The following CNTNAP3B variants were observed in gnomAD, a reference collection of about 807,000 sequenced individuals.
The protein encoded by CNTNAP3B is contactin-associated protein-like 3B.
A neutral mutation model predicts 108.9 loss-of-function variants in CNTNAP3B; 25 were observed. That is an observed-to-expected ratio of 0.23 (90% CI 0.17 to 0.32). The LOEUF (loss-of-function observed/expected upper bound fraction) is 0.32. Among genes scored for constraint, CNTNAP3B ranks in the 10% least tolerant of loss-of-function variants. The pLI is 1.00. For missense variants in CNTNAP3B, 252 were observed against 1,210.4 expected (o/e 0.21, Z 11.75); for synonymous variants, 103 against 473.4 (o/e 0.22, Z 10.16).
chr9:41,946,685 T>G, intron 13 of CNTNAP3B, among the ~76,000 whole-genome samples: 1 of 46,632 alleles, frequency 2.1e-5, no homozygotes, highest in East Asian at 7.7e-4. Context: ...GCAGAGTGAC[T>G]ATTTCTTAAC....
At chr9:41,926,214 T>A (rs1166554630) in intron 15 of CNTNAP3B, among the ~76,000 whole-genome samples, 1 of 152,280 alleles carries the variant, frequency 6.6e-6, no homozygotes, top group African/African-American at 2.4e-5. Context: ...ACTCCTATGC[T>A]CCTCACTTTT....
rs537998686 is a variant in CNTNAP3B, at chr9:42,094,102, A to T, written c.196+10527T>A. On this transcript the variant is annotated intron_variant, in intron 2 of 23. Coordinates refer to ENST00000377561, the MANE Select transcript of CNTNAP3B (RefSeq NM_001201380.3). ...CCAAGCTTATCCCTAATCACTAAGG[A>T]TAAGATAGCACCCTTCCTTCAAGGA... 2.9e-5 allele frequency among the ~76,000 whole-genome samples: 4 copies of T among 137,954 alleles called. No homozygotes were observed. The East Asian group carries it at 8.8e-4, about 31-fold the overall frequency. 90.5% of individuals were successfully genotyped at this position (137,954 alleles called of 152,430 possible). A position where few individuals can be genotyped will look rare whatever the true frequency, so the allele number is the denominator to read the frequency against.
intron 14 of CNTNAP3B, among the ~76,000 whole-genome samples, chr9:41,937,014 C>T (rs1289956046): frequency 1.3e-5 from 2 of 152,072 alleles, no homozygotes; most frequent in Non-Finnish European, 2.9e-5. Flanking sequence ...GGCCAAACAA[C>T]TCAATTTTTA....
At chr9:41,968,435 G>A (rs1156432751) in intron 10 of CNTNAP3B, among the ~76,000 whole-genome samples, 5 of 140,384 alleles carry the variant, frequency 3.6e-5, no homozygotes, top group African/African-American at 1.1e-4. Context: ...AGCTGGTGTT[G>A]AGATGTAAAT....
intron 13 of CNTNAP3B, among the ~76,000 whole-genome samples, chr9:41,948,244 A>C (rs977126927): frequency 4.1e-5 from 6 of 146,498 alleles, no homozygotes; most frequent in African/African-American, 1.5e-4. Context: ...GGTGTGTGCC[A>C]CCACACCCAA....
chr9:42,047,483 C>A (rs1294302893), intron 3 of CNTNAP3B, among the ~76,000 whole-genome samples: 1 of 110,490 alleles, frequency 9.1e-6, no homozygotes, highest in Non-Finnish European at 1.8e-5. Context: ...AATGACATAG[C>A]AAATTATAAA....
At chr9:42,124,113 G>C (rs2118752665) in intron 1 of CNTNAP3B, among the ~76,000 whole-genome samples, 1 of 138,872 alleles carries the variant, frequency 7.2e-6, no homozygotes, top group East Asian at 2.2e-4. Flanking sequence ...AAGTAGGCAT[G>C]CTACTTAAAT....
chr9:41,997,678 G>A lies in CNTNAP3B; in HGVS notation c.817C>T (p.His273Tyr). 6.2e-7 allele frequency: 1 copy of A among 1,604,774 alleles called. No individual in the cohort carries two copies. Among genetic ancestry groups the A allele is most frequent in the Non-Finnish European group, 8.5e-7 (1 of 1,175,888 alleles). ...LGSLLDDQHW[H>Y]SVLIELLDTQ... ...TCGAGGAGCTCGATGAGGACGGAATGCCAGTGCTGGTCATCCAGCAGGCTG... is the reference window on the plus strand; with the variant it reads ...TCGAGGAGCTCGATGAGGACGGAATACCAGTGCTGGTCATCCAGCAGGCTG... Residue 273 changes from histidine to tyrosine, a missense_variant, in exon 6 of 24, where the codon CAT becomes TAT. Physicochemically the swap from His to Tyr is moderately conservative, Grantham distance 83 (BLOSUM62 2). Coordinates refer to ENST00000377561, the MANE Select transcript of CNTNAP3B (RefSeq NM_001201380.3).
Position 42,090,973 on chromosome 9 carries a change from T to TATATAC in CNTNAP3B, c.196+13655_196+13656insGTATAT, listed in dbSNP as rs1207817338. Among the ~76,000 whole-genome samples, 23 of 37,794 alleles carry TATATAC rather than the reference T, an allele frequency of 6.1e-4. 3 individuals carry two copies. Among genetic ancestry groups the TATATAC allele is most frequent in the African/African-American group, 1.6e-3 (23 of 13,992 alleles). 24.8% of individuals were successfully genotyped at this position (37,794 alleles called of 152,430 possible). A position where few individuals can be genotyped will look rare whatever the true frequency, so the allele number is the denominator to read the frequency against. Reference sequence around the variant, plus strand: ...CTGACTCTCTCTAAATATATATATATACACACACACACACACACACACACA... The same window carrying TATATAC: ...CTGACTCTCTCTAAATATATATATATATATACACACACACACACACACACACACACA... On this transcript the variant is annotated intron_variant, in intron 2 of 23. Coordinates refer to ENST00000377561, the MANE Select transcript of CNTNAP3B (RefSeq NM_001201380.3).
intron 3 of CNTNAP3B, among the ~76,000 whole-genome samples, chr9:42,073,394 TAGTA>T (rs1176828805): frequency 2.5e-5 from 1 of 40,266 alleles, no homozygotes; most frequent in Non-Finnish European, 4.5e-5. Flanking sequence ...CTGGGAAAGA[TAGTA>T]AGCCTATAAA....
chr9:41,943,732 C>T (rs981579984), intron 13 of CNTNAP3B, among the ~76,000 whole-genome samples: 6 of 151,284 alleles, frequency 4.0e-5, no homozygotes, highest in Non-Finnish European at 4.4e-5. Flanking sequence ...GAGTGAGAAC[C>T]AGAAGAAATA....
chr9:42,114,883 A>G (rs1370798901), intron 1 of CNTNAP3B, among the ~76,000 whole-genome samples: 1 of 134,114 alleles, frequency 7.5e-6, no homozygotes, highest in Non-Finnish European at 1.6e-5. Context: ...GTGAAACTCC[A>G]TCTTTAGTAA....
intron 3 of CNTNAP3B, among the ~76,000 whole-genome samples, chr9:42,067,642 T>C (rs943315542): frequency 1.4e-5 from 2 of 147,932 alleles, no homozygotes; most frequent in African/African-American, 5.0e-5. Context: ...GGCAACTCTG[T>C]GTGACTGTGA....
At chr9:41,931,260 C>T (rs1187712058) in intron 14 of CNTNAP3B, among the ~76,000 whole-genome samples, 38 of 152,380 alleles carry the variant, frequency 2.5e-4, no homozygotes, top group African/African-American at 8.7e-4. Context: ...GAATACAATG[C>T]ATAATGATCA....
chr9:41,930,635 A>C (rs1438521464), intron 14 of CNTNAP3B, among the ~76,000 whole-genome samples: 2 of 152,290 alleles, frequency 1.3e-5, no homozygotes, highest in African/African-American at 4.8e-5. Flanking sequence ...ACACAGAGTA[A>C]AAAATATATT....
intron 6 of CNTNAP3B, among the ~76,000 whole-genome samples, chr9:41,996,984 TG>T (rs1466678804): frequency 2.0e-4 from 11 of 54,218 alleles, no homozygotes; most frequent in African/African-American, 8.9e-4. Flanking sequence ...CACTTTAAGG[TG>T]TCCTGTGAAG....
intron 12 of CNTNAP3B, among the ~76,000 whole-genome samples, chr9:41,959,441 T>G (rs1305191623): frequency 6.6e-6 from 1 of 152,300 alleles, no homozygotes; most frequent in African/African-American, 2.4e-5. Context: ...CTAGATTTTG[T>G]CAGTAGATAC....
At chr9:42,012,940 G>T (rs1177904146) in intron 4 of CNTNAP3B, among the ~76,000 whole-genome samples, 1 of 96,188 alleles carries the variant, frequency 1.0e-5, no homozygotes, top group Non-Finnish European at 2.2e-5. Flanking sequence ...AAAAGAGGAC[G>T]TTAGCAGAGA....
chr9:41,940,930 A>G (rs1218833023), intron 13 of CNTNAP3B, among the ~76,000 whole-genome samples: 2 of 152,302 alleles, frequency 1.3e-5, no homozygotes, highest in African/African-American at 2.4e-5. Flanking sequence ...AAGAAATTAT[A>G]ACGAAGGATT....
Sources: gnomAD v4.1 joint callset for allele counts (sites outside exome capture counted in the v4.1 genomes callset) on GRCh38, gnomAD v4.1.1 for gene constraint, MANE v1.5 for transcripts, NCBI Gene and HGNC (gene_info 2026-07-23, HGNC 2026-07-21) for gene names.